ELAVL2: variants seen among roughly 807,000 people sequenced by gnomAD.
The protein encoded by ELAVL2 is ELAV like RNA binding protein 2, also known as ELAV-like protein 2.
In ELAVL2, 4 loss-of-function variants were observed where a neutral mutation model predicts 34.6. The observed-to-expected ratio is 0.12, with a 90% CI of 0.06 to 0.26. The LOEUF (loss-of-function observed/expected upper bound fraction) is 0.26. Among genes scored for constraint, ELAVL2 ranks in the 10% least tolerant of loss-of-function variants. The pLI, the probability that ELAVL2 is intolerant of heterozygous loss-of-function variation, is 1.00. For synonymous variants in ELAVL2, 193 were observed against 154.8 expected (o/e 1.25, Z -1.83); for missense variants, 432 against 442.8 (o/e 0.98, Z 0.22).
In ELAVL2 at chr9:23,757,645, C is replaced by T. The variant is rs144745610; in HGVS notation, c.229+4361G>A. Among the ~76,000 whole-genome samples the T allele has an allele frequency of 2.8e-4, 43 of 152,050 alleles. No individual in the cohort carries two copies. The East Asian group carries it at 3.3e-3, about 12-fold the overall frequency. Reference sequence around the variant, plus strand: ...AAAACGCAAAGGGATGGACTAAAGTCAGCTAAGCTGTACAAGCAGCAGAAG... The same window carrying T: ...AAAACGCAAAGGGATGGACTAAAGTTAGCTAAGCTGTACAAGCAGCAGAAG... On this transcript the variant is annotated intron_variant, in intron 2 of 6. Transcript: ENST00000397312.
intron 1 of ELAVL2, among the ~76,000 whole-genome samples, chr9:23,786,392 A>G (rs1484766878): frequency 6.6e-6 from 1 of 152,186 alleles, no homozygotes; most frequent in Non-Finnish European, 1.5e-5. Flanking sequence ...ACAGGACATG[A>G]ATGACTTAGC....
chr9:23,774,228 AAAAAAAAAAAGAAAG>A lies in ELAVL2; in HGVS notation c.-15-11994_-15-11980del, dbSNP rs1267304378. Among the ~76,000 whole-genome samples, 10 of 147,654 alleles carry A rather than the reference AAAAAAAAAAAGAAAG, an allele frequency of 6.8e-5. No homozygotes were observed. The East Asian group carries it at 9.8e-4, about 14-fold the overall frequency. Reference sequence around the variant, plus strand: ...GACTCCATCTCAAAAAAAAAAAAAAAAAAAAAAAAAGAAAGAAAGAAAGAAAGAAAATTTGCTTAT... The same window carrying A: ...GACTCCATCTCAAAAAAAAAAAAAAAAAAGAAAGAAAGAAAATTTGCTTAT... On this transcript the variant is annotated intron_variant, in intron 1 of 6. Coordinates refer to ENST00000397312, the MANE Select transcript of ELAVL2 (RefSeq NM_004432.5).
chr9:23,723,572 T>TAAA (rs948935109), intron 3 of ELAVL2, among the ~76,000 whole-genome samples: 2 of 144,494 alleles, frequency 1.4e-5, no homozygotes, highest in Non-Finnish European at 3.1e-5. Flanking sequence ...AATAATAATT[T>TAAA]AAAAAAAAAA....
intron 1 of ELAVL2, among the ~76,000 whole-genome samples, chr9:23,819,876 T>C (rs971836493): frequency 3.3e-5 from 5 of 152,180 alleles, no homozygotes; most frequent in Non-Finnish European, 5.9e-5. Flanking sequence ...TCTCTCCCCA[T>C]AGTTTGCAAG....
At chr9:23,745,577 A>T (rs1254957532) in intron 2 of ELAVL2, among the ~76,000 whole-genome samples, 1 of 152,158 alleles carries the variant, frequency 6.6e-6, no homozygotes, top group African/African-American at 2.4e-5. Context: ...TAAAGGTAAA[A>T]CTAGACTTGC....
chr9:23,709,515 C>T (rs1407174139), intron 3 of ELAVL2, among the ~76,000 whole-genome samples: 1 of 151,924 alleles, frequency 6.6e-6, no homozygotes, highest in Non-Finnish European at 1.5e-5. Context: ...CAGAATCATA[C>T]AGGGGCTATT....
chr9:23,728,010 A>G (rs565293573), intron 3 of ELAVL2, among the ~76,000 whole-genome samples: 3 of 152,148 alleles, frequency 2.0e-5, no homozygotes, highest in South Asian at 2.1e-4. Flanking sequence ...GTACCTTTCT[A>G]AAGTAAAGCA....
At chr9:23,821,183 T>G (rs977704497) in intron 1 of ELAVL2, 5 of 152,686 alleles carry the variant, frequency 3.3e-5, no homozygotes, top group African/African-American at 1.2e-4. Context: ...CCTGCCCTTT[T>G]TCTAGAAAAG....
rs2065283661 is a variant in ELAVL2, at chr9:23,826,194, G to C, written c.-404C>G. The C allele has an allele frequency of 6.6e-6, 1 of 152,238 alleles. No homozygotes were observed. The highest frequency in any genetic ancestry group is 6.5e-5 in the Admixed American group (1 of 15,284). 9.4% of individuals were successfully genotyped at this position (152,238 alleles called of 1,614,324 possible). ...TTTTAGTAGGTCGCTACAGGAGTAA[G>C]CTGCTGCATCTCTAACTAAGAACAG... On this transcript the variant is annotated 5_prime_UTR_variant, in exon 1 of 7. Transcript: ENST00000397312.
chr9:23,720,427 A>C (rs1036455503), intron 3 of ELAVL2, among the ~76,000 whole-genome samples: 2 of 152,076 alleles, frequency 1.3e-5, no homozygotes, highest in South Asian at 2.1e-4. Context: ...TCAGCCTCCC[A>C]AAGTGCTGGG....
At chr9:23,714,769 C>T (rs2041874175) in intron 3 of ELAVL2, among the ~76,000 whole-genome samples, 1 of 152,130 alleles carries the variant, frequency 6.6e-6, no homozygotes, top group East Asian at 1.9e-4. Flanking sequence ...AGCTACCATG[C>T]AATCGGCCAC....
chr9:23,782,117 G>C (rs142003149), intron 1 of ELAVL2, among the ~76,000 whole-genome samples: 3 of 152,184 alleles, frequency 2.0e-5, no homozygotes, highest in African/African-American at 7.2e-5. Context: ...CACCATGCCC[G>C]ACCAAGAAGT....
intron 1 of ELAVL2, among the ~76,000 whole-genome samples, chr9:23,807,143 G>T (rs2062342298): frequency 6.6e-6 from 1 of 152,102 alleles, no homozygotes; most frequent in Admixed American, 6.6e-5. Context: ...AAATAAAACT[G>T]TTTGCCAGAG....
intron 3 of ELAVL2, among the ~76,000 whole-genome samples, chr9:23,713,512 T>TA (rs1205899749): frequency 6.6e-6 from 1 of 152,274 alleles, no homozygotes; most frequent in South Asian, 2.1e-4. Context: ...TAAAGTAGTA[T>TA]AAAAAATAGA....
At chr9:23,748,319 A>C (rs2051014000) in intron 2 of ELAVL2, among the ~76,000 whole-genome samples, 1 of 152,154 alleles carries the variant, frequency 6.6e-6, no homozygotes, top group Non-Finnish European at 1.5e-5. Flanking sequence ...CAGAGAATGA[A>C]GTGAGGTAAC....
the ELAVL2 span, among the ~76,000 whole-genome samples, chr9:23,850,104 GGGGA>G: frequency 6.6e-6 from 1 of 151,572 alleles, no homozygotes; most frequent in Non-Finnish European, 1.5e-5. Flanking sequence ...AGAACATACC[GGGGA>G]GGGGGTGGGG....
Position 23,692,498 on chromosome 9 carries a change from T to A in ELAVL2, c.*59A>T. 1 of 1,513,750 alleles carries A rather than the reference T, an allele frequency of 6.6e-7. No individual in the cohort carries two copies. Among genetic ancestry groups the A allele is most frequent in the South Asian group, 1.3e-5 (1 of 75,176 alleles). The allele number at this position is 1,513,750 out of a possible 1,614,324, so 93.8% of individuals were successfully genotyped here. On this transcript the variant is annotated 3_prime_UTR_variant, in exon 7 of 7. Transcript: ENST00000397312. ...GACATTTACTAATGTATAAAGTTTC[T>A]CTTAACTTGCCTTTGTTGTATAGTT...
chr9:23,818,342 G>A (rs1048605856), intron 1 of ELAVL2, among the ~76,000 whole-genome samples: 1 of 152,148 alleles, frequency 6.6e-6, no homozygotes, highest in African/African-American at 2.4e-5. Flanking sequence ...GGGTCCCAGT[G>A]CAAGATGAAA....
the ELAVL2 span, among the ~76,000 whole-genome samples, chr9:23,846,239 A>G: frequency 6.6e-6 from 1 of 151,890 alleles, no homozygotes; most frequent in Non-Finnish European, 1.5e-5. Context: ...TATATCACTT[A>G]CAGGTTTCTT....
Sources: allele counts gnomAD v4.1 joint callset (sites outside exome capture counted in the v4.1 genomes callset), GRCh38; gene constraint gnomAD v4.1.1; transcripts MANE v1.5; gene names NCBI Gene and HGNC (gene_info 2026-07-23, HGNC 2026-07-21).